SSTR2: variants seen among roughly 807,000 people sequenced by gnomAD.
SSTR2 encodes somatostatin receptor type 2.
In SSTR2, 10 loss-of-function variants were observed where a neutral mutation model predicts 21.4. That is an observed-to-expected ratio of 0.47 (90% CI 0.29 to 0.79). The LOEUF (loss-of-function observed/expected upper bound fraction) is 0.79, where lower values mean the gene tolerates loss of function less well. Among genes scored for constraint, SSTR2 ranks in the 30% least tolerant of loss-of-function variants. The probability of loss-of-function intolerance (pLI) is 0.10; values close to 1 mark genes in which losing one functional copy is unlikely to be tolerated. For synonymous variants in SSTR2, 177 were observed against 181.3 expected (o/e 0.98, Z 0.19); for missense variants, 364 against 468.8 (o/e 0.78, Z 2.06).
intron 1 of SSTR2, among the ~76,000 whole-genome samples, chr17:73,165,952 C>CCA (rs1555721643): frequency 6.6e-5 from 10 of 150,522 alleles, no homozygotes; most frequent in Admixed American, 1.3e-4. Context: ...GCCCCCCCCC[C>CCA]ACACCCGGCA....
chr17:73,167,845 T>A (rs1208862335), intron 1 of SSTR2: 1 of 152,386 alleles, frequency 6.6e-6, no homozygotes, highest in African/African-American at 2.4e-5. Context: ...AGAAGCCTCC[T>A]CTCCAGGCCC....
Position 73,170,476 on chromosome 17 carries a change from C to A in SSTR2, c.*47C>A. 2 of 1,590,842 alleles carry A rather than the reference C, an allele frequency of 1.3e-6. No individual in the cohort carries two copies. The highest frequency in any genetic ancestry group is 1.1e-5 in the South Asian group (1 of 87,544). ...AACCAAGCCATGCTCTGTCTACTGG[C>A]AATGGGCTCCCTACCCACACTGGCT... On this transcript the variant is annotated 3_prime_UTR_variant, in exon 2 of 2. Transcript: ENST00000357585.
intron 1 of SSTR2, among the ~76,000 whole-genome samples, chr17:73,167,719 G>A (rs535511877): frequency 6.6e-6 from 1 of 152,084 alleles, no homozygotes; most frequent in African/African-American, 2.4e-5. Flanking sequence ...TTTATCTCTC[G>A]TGCAATGCCC....
In SSTR2 at chr17:73,169,479, T is replaced by G; in HGVS notation, c.160T>G (p.Cys54Gly). 1.2e-6 allele frequency: 2 copies of G among 1,614,282 alleles called. No individual in the cohort carries two copies. The highest frequency in any genetic ancestry group is 1.7e-6 in the Non-Finnish European group (2 of 1,180,050). Reference protein sequence around the residue: ...AVLTFIYFVVCIIGLCGNTLV... With the variant: ...AVLTFIYFVVGIIGLCGNTLV... ...CCTCACATTCATCTATTTTGTGGTC[T>G]GCATCATTGGGTTGTGTGGCAACAC... Residue 54 changes from cysteine to glycine, a missense_variant, in exon 2 of 2, where the codon TGC (cysteine) becomes GGC (glycine). Transcript: ENST00000357585. This position sits in a 1 kb window ranked among gnomAD's most constrained non-coding sequence, Gnocchi z 5.2.
chr17:73,169,247 G>A lies in SSTR2; in HGVS notation c.-73G>A. ...TTCCAGATGTCACACTGGATCCTTG[G>A]CCTCCAGGGTCCATTAAGGTGAGAA... On this transcript the variant is annotated 5_prime_UTR_variant, in exon 2 of 2. Transcript: ENST00000357585. The surrounding 1 kb of genome is among the most constrained non-coding windows in gnomAD (Gnocchi z 5.2). 2 of 1,495,642 alleles carry A rather than the reference G, an allele frequency of 1.3e-6. No individual in the cohort carries two copies. Among genetic ancestry groups the A allele is most frequent in the Non-Finnish European group, 1.8e-6 (2 of 1,118,474 alleles). 92.6% of individuals were successfully genotyped at this position (1,495,642 alleles called of 1,614,324 possible). A position where few individuals can be genotyped will look rare whatever the true frequency, so the allele number is the denominator to read the frequency against.
Position 73,169,989 on chromosome 17 carries a change from ATC to A in SSTR2, c.672_673del (p.Ile224MetfsTer22). ...ILGFLVPLTI[I>X]CLCYLFIIIK... is the part of the protein sequence containing the mutation. ...GGGGTTCCTGGTACCCCTCACCATC[ATC>A]TGTCTTTGCTACCTGTTCATTATCA... On this transcript the variant is annotated frameshift_variant, in exon 2 of 2. Transcript: ENST00000357585. LOFTEE classifies it high-confidence loss of function. The surrounding 1 kb of genome is among the most constrained non-coding windows in gnomAD (Gnocchi z 5.2). 1.2e-6 allele frequency: 2 copies of A among 1,610,394 alleles called. No homozygotes were observed. The highest frequency in any genetic ancestry group is 1.7e-6 in the Non-Finnish European group (2 of 1,177,284).
chr17:73,165,943 C>A (rs1018728064), intron 1 of SSTR2, among the ~76,000 whole-genome samples: 2 of 23,780 alleles, frequency 8.4e-5, no homozygotes, highest in South Asian at 2.5e-3. Context: ...GTCCTCAGCG[C>A]CCCCCCCCCA....
In SSTR2 at chr17:73,175,191, C is replaced by T. The variant is rs1050065909; in HGVS notation, c.*4762C>T. 1.1e-4 allele frequency: 17 copies of T among 152,186 alleles called. No homozygotes were observed. Among genetic ancestry groups the T allele is most frequent in the African/African-American group, 3.9e-4 (16 of 41,444 alleles). The allele number at this position is 152,186 out of a possible 1,614,324, so 9.4% of individuals were successfully genotyped here. A position where few individuals can be genotyped will look rare whatever the true frequency, so the allele number is the denominator to read the frequency against. On this transcript the variant is annotated 3_prime_UTR_variant, in exon 2 of 2. Coordinates refer to ENST00000357585, the MANE Select transcript of SSTR2 (RefSeq NM_001050.3). ...CACATTTTTGCCAAATTCAAAAACA[C>T]CAAATTTCCCATCAAATGTTCTGTC...
At position 73,173,581 on chromosome 17, in the gene SSTR2, T is replaced by C. The variant is rs907722979; in HGVS notation, c.*3152T>C. On this transcript the variant is annotated 3_prime_UTR_variant, in exon 2 of 2. Coordinates refer to ENST00000357585, the MANE Select transcript of SSTR2 (RefSeq NM_001050.3). ...ATTTTAGTCTCCATTCCATATTTAATGATGAAGACAAATCTGCTGGGTGCT... is the reference window on the plus strand; with the variant it reads ...ATTTTAGTCTCCATTCCATATTTAACGATGAAGACAAATCTGCTGGGTGCT... 3 of 152,164 alleles carry C rather than the reference T, an allele frequency of 2.0e-5. No individual in the cohort carries two copies. 9.4% of individuals were successfully genotyped at this position (152,164 alleles called of 1,614,324 possible). A position where few individuals can be genotyped will look rare whatever the true frequency, so the allele number is the denominator to read the frequency against.
Position 73,169,195 on chromosome 17 carries a change from A to C in SSTR2, c.-92-33A>C. On this transcript the variant is annotated intron_variant, in intron 1 of 1. Transcript: ENST00000357585. The surrounding 1 kb of genome is among the most constrained non-coding windows in gnomAD (Gnocchi z 5.2). ...TTGGTGAGACTTTAAACAGCCTGTG[A>C]CCGACGGGCCAATCTTCCTCTTTTC... The C allele has an allele frequency of 1.0e-5, 12 of 1,199,110 alleles. No homozygotes were observed. The highest frequency in any genetic ancestry group is 1.5e-5 in the African/African-American group (1 of 65,126). 74.3% of individuals were successfully genotyped at this position (1,199,110 alleles called of 1,614,324 possible).
At chr17:73,166,234 A>C (rs1599307573) in intron 1 of SSTR2, among the ~76,000 whole-genome samples, 1 of 152,016 alleles carries the variant, frequency 6.6e-6, no homozygotes, top group East Asian at 1.9e-4. Flanking sequence ...GGCTTTTGTC[A>C]CCCTGCCAGT....
chr17:73,168,976 T>C (rs1248110947), intron 1 of SSTR2, among the ~76,000 whole-genome samples: 1 of 152,194 alleles, frequency 6.6e-6, no homozygotes, highest in Non-Finnish European at 1.5e-5. Flanking sequence ...TATGTGCTTT[T>C]TGAAGCCACA....
chr17:73,168,872 A>G lies in SSTR2; in HGVS notation c.-92-356A>G, dbSNP rs192461715. Reference sequence around the variant, plus strand: ...TTTCCTGGTAGGGAAGAGGCCAGGAATGTCAGTGTCAGACCCTTCTGAGGT... The same window carrying G: ...TTTCCTGGTAGGGAAGAGGCCAGGAGTGTCAGTGTCAGACCCTTCTGAGGT... On this transcript the variant is annotated intron_variant, in intron 1 of 1. Transcript: ENST00000357585. Among the ~76,000 whole-genome samples, 45 of 152,346 alleles carry G rather than the reference A, an allele frequency of 3.0e-4. No individual in the cohort carries two copies. The East Asian group carries it at 6.7e-3, about 23-fold the overall frequency.
Position 73,176,510 on chromosome 17 carries a change from TCTC to T in SSTR2, c.*6084_*6086del, listed in dbSNP as rs1364772622. On this transcript the variant is annotated 3_prime_UTR_variant, in exon 2 of 2. Coordinates refer to ENST00000357585, the MANE Select transcript of SSTR2 (RefSeq NM_001050.3). Reference sequence around the variant, plus strand: ...CTTTCCCCCTCCTTCGCTCTGCACTTCTCCTTGCTGCCATGCGAAGAAGGATGT... The same window carrying T: ...CTTTCCCCCTCCTTCGCTCTGCACTTCTTGCTGCCATGCGAAGAAGGATGT... The T allele has an allele frequency of 6.6e-6, 1 of 152,312 alleles. No homozygotes were observed. Among genetic ancestry groups the T allele is most frequent in the East Asian group, 1.9e-4 (1 of 5,182 alleles). 9.4% of individuals were successfully genotyped at this position (152,312 alleles called of 1,614,324 possible).
rs1055332990 is a variant in SSTR2 at position 73,165,275 on chromosome 17, G to C, written c.-106G>C. The C allele has an allele frequency of 6.6e-6, 1 of 152,240 alleles. No individual in the cohort carries two copies. Among genetic ancestry groups the C allele is most frequent in the Non-Finnish European group, 1.5e-5 (1 of 68,490 alleles). The allele number at this position is 152,240 out of a possible 1,614,324, so 9.4% of individuals were successfully genotyped here. A position where few individuals can be genotyped will look rare whatever the true frequency, so the allele number is the denominator to read the frequency against. On this transcript the variant is annotated 5_prime_UTR_variant, in exon 1 of 2. Coordinates refer to ENST00000357585, the MANE Select transcript of SSTR2 (RefSeq NM_001050.3). The stretch of plus-strand genomic sequence containing the variant: ...CGGAGACCGGAGCTAGCGGATTGCA[G>C]CGGAAAAGCAAAGGTGAGGGGTGTG...
At position 73,172,336 on chromosome 17, in the gene SSTR2, C is replaced by T. The variant is rs1285277870; in HGVS notation, c.*1907C>T. 1 of 152,198 alleles carries T rather than the reference C, an allele frequency of 6.6e-6. No homozygotes were observed. The highest frequency in any genetic ancestry group is 1.5e-5 in the Non-Finnish European group (1 of 68,034). 9.4% of individuals were successfully genotyped at this position (152,198 alleles called of 1,614,324 possible). A position where few individuals can be genotyped will look rare whatever the true frequency, so the allele number is the denominator to read the frequency against. ...TGGGTGTCTGCAAGGATGTCATCAT[C>T]TTTGGGTTTCATCTGAGAGCATCAC... On this transcript the variant is annotated 3_prime_UTR_variant, in exon 2 of 2. Transcript: ENST00000357585.
chr17:73,165,616 G>C (rs1033125151), intron 1 of SSTR2, among the ~76,000 whole-genome samples: 1 of 151,950 alleles, frequency 6.6e-6, no homozygotes, highest in Admixed American at 6.6e-5. Flanking sequence ...AGCTGCGACG[G>C]GTGACAACTT....
In SSTR2 at chr17:73,172,309, C is replaced by T. The variant is rs1392970162; in HGVS notation, c.*1880C>T. 3.9e-5 allele frequency: 6 copies of T among 152,152 alleles called. No individual in the cohort carries two copies. In the East Asian group the frequency reaches 9.6e-4, roughly 24 times the overall value. 9.4% of individuals were successfully genotyped at this position (152,152 alleles called of 1,614,324 possible). ...TTTCTAGAGTATGAAGAAATACACA[C>T]CTGGGTGTCTGCAAGGATGTCATCA... On this transcript the variant is annotated 3_prime_UTR_variant, in exon 2 of 2. Transcript: ENST00000357585.
chr17:73,169,966 G>T lies in SSTR2; in HGVS notation c.647G>T (p.Gly216Val). ...TGFIIYTFIL[G>V]FLVPLTIICL... ...TTCATCATCTACACTTTCATTCTGG[G>T]GTTCCTGGTACCCCTCACCATCATC... The change falls in exon 2 of 2, where the codon GGG becomes GTG. Residue 216 changes from glycine (G) to valine (V), a missense_variant. Coordinates refer to ENST00000357585, the MANE Select transcript of SSTR2 (RefSeq NM_001050.3). The surrounding 1 kb of genome is among the most constrained non-coding windows in gnomAD (Gnocchi z 5.2). 6.2e-7 allele frequency: 1 copy of T among 1,607,348 alleles called. No homozygotes were observed. The highest frequency in any genetic ancestry group is 8.5e-7 in the Non-Finnish European group (1 of 1,175,500).
Sources: gnomAD v4.1 joint callset for allele counts (sites outside exome capture counted in the v4.1 genomes callset) on GRCh38, gnomAD v4.1.1 for gene constraint, Gnocchi (gnomAD v3.1) non-coding constraint, MANE v1.5 for transcripts, NCBI Gene and HGNC (gene_info 2026-07-23, HGNC 2026-07-21) for gene names.